The following RTEL1 variants were observed in gnomAD, a reference collection of about 807,000 sequenced individuals.
The protein encoded by RTEL1 is regulator of telomere length.
A neutral mutation model predicts 162.2 loss-of-function variants in RTEL1; 86 were observed. The observed-to-expected ratio is 0.53, with a 90% confidence interval of 0.45 to 0.63. The LOEUF (loss-of-function observed/expected upper bound fraction) is 0.63. RTEL1 is among the 30% of genes least tolerant of loss of function. The pLI is 0.00. For missense variants in RTEL1, 1,941 were observed against 1,750.2 expected, an observed-to-expected ratio of 1.11 and a Z score of -1.95; for synonymous variants, 958 against 717.9, an observed-to-expected ratio of 1.33 and a Z score of -5.35.
chr20:63,666,600 G>A (rs1371846691), intron 7 of RTEL1, among the ~76,000 whole-genome samples: 1 of 152,016 alleles, frequency 6.6e-6, no homozygotes, highest in Non-Finnish European at 1.5e-5. Context: ...CAGTGTCACA[G>A]TCTTGGCTCA....
intron 8 of RTEL1, among the ~76,000 whole-genome samples, chr20:63,669,453 A>C (rs56227019): frequency 0.25 from 38,497 of 152,158 alleles, 5,451 homozygotes; most frequent in South Asian, 0.36. Context: ...TAAAGCTTCA[A>C]CTCTGTGGAA....
At chr20:63,692,387 G>A (rs1028868870) in intron 28 of RTEL1, 7 of 241,918 alleles carry the variant, frequency 2.9e-5, no homozygotes, top group South Asian at 1.2e-4. Context: ...CCACGTTTCC[G>A]TGTTGGTCTG....
At position 63,694,364 on chromosome 20, in the gene RTEL1, TTCA is replaced by T. The variant is rs2090911406; in HGVS notation, c.2993-4_2993-2del. 3 of 1,509,978 alleles carry T rather than the reference TTCA, an allele frequency of 2.0e-6. No homozygotes were observed. Among genetic ancestry groups the T allele is most frequent in the Non-Finnish European group, 1.8e-6 (2 of 1,113,866 alleles). The allele number at this position is 1,509,978 out of a possible 1,614,324, so 93.5% of individuals were successfully genotyped here. A position where few individuals can be genotyped will look rare whatever the true frequency, so the allele number is the denominator to read the frequency against. ...GACCAGCTTTGTGGCTCTACATCTC[TTCA>T]TCAGGAAGAACGGCGCCGGATCCCA... is the stretch of plus-strand genomic sequence containing the variant. On this transcript the variant is annotated splice_polypyrimidine_tract_variant and splice_region_variant and intron_variant, in intron 30 of 34. Coordinates refer to ENST00000360203, the MANE Select transcript of RTEL1 (RefSeq NM_001283009.2).
chr20:63,666,871 G>A (rs548298574), intron 7 of RTEL1, among the ~76,000 whole-genome samples: 20 of 121,374 alleles, frequency 1.6e-4, no homozygotes, highest in East Asian at 2.4e-4. Flanking sequence ...ACGGAGTCTC[G>A]CTCTGTCGCC....
At chr20:63,681,529 G>T (rs1324260119) in intron 14 of RTEL1, 1 of 985,078 alleles carries the variant, frequency 1.0e-6, no homozygotes. Context: ...AGCTTCATGA[G>T]TGTCCATCTG....
chr20:63,690,475 G>T, intron 26 of RTEL1, 34 bp downstream of exon 26: 1 of 1,520,298 alleles, frequency 6.6e-7, no homozygotes, highest in South Asian at 1.3e-5. Flanking sequence ...GGCGGTGTGG[G>T]GGTGGCGGAG....
At chr20:63,667,128 C>G (rs574272203) in intron 7 of RTEL1, among the ~76,000 whole-genome samples, 2 of 152,166 alleles carry the variant, frequency 1.3e-5, no homozygotes, top group African/African-American at 4.8e-5. Context: ...AGTGAGCCAC[C>G]GCGCCCGGCC....
rs1055996867 is a variant in RTEL1 at position 63,690,537 on chromosome 20, CT to C, written c.2413+97del. On this transcript the variant is annotated intron_variant, in intron 26 of 34. Coordinates refer to ENST00000360203, the MANE Select transcript of RTEL1 (RefSeq NM_001283009.2). ...GGCGCCCAGGGCGGAGGCGACTCAC[CT>C]GGCTTTGTGCGCTTCCCCTCCCACC... 4.3e-6 allele frequency: 6 copies of C among 1,400,340 alleles called. 1 individual carries two copies. In the Admixed American group the frequency reaches 1.4e-4, roughly 32 times the overall value. The allele number at this position is 1,400,340 out of a possible 1,614,324, so 86.7% of individuals were successfully genotyped here.
At chr20:63,694,299 G>GGCCCGCCCCCCCCCCCCC in intron 30 of RTEL1, 73 bp from the exon 31 acceptor site, 2 of 841,720 alleles carry the variant, frequency 2.4e-6, no homozygotes. Flanking sequence ...TCCCTAGCCA[G>GGCCCGCCCCCCCCCCCCC]CCCTGCCCCC....
In RTEL1 at chr20:63,668,331, G is replaced by T. The variant is rs1482250068; in HGVS notation, c.699+778G>T. On this transcript the variant is annotated intron_variant, in intron 8 of 34. Coordinates refer to ENST00000360203, the MANE Select transcript of RTEL1 (RefSeq NM_001283009.2). The surrounding 1 kb of genome is among the most constrained non-coding windows in gnomAD (Gnocchi z 4.3). ...CGTCGTTGGTTCGCTCATTCTCGGG[G>T]TGTATATTTATTGAGAGCTCATCAT... is the stretch of plus-strand genomic sequence containing the variant. 1.3e-5 allele frequency among the ~76,000 whole-genome samples: 2 copies of T among 152,226 alleles called. No individual in the cohort carries two copies. Among genetic ancestry groups the T allele is most frequent in the East Asian group, 1.9e-4 (1 of 5,198 alleles).
chr20:63,695,266 G>T, intron 33 of RTEL1, 45 bp downstream of exon 33: 5 of 1,605,364 alleles, frequency 3.1e-6, no homozygotes, highest in Non-Finnish European at 4.3e-6. Context: ...CCAACCGCAC[G>T]CAGCCCTGGG....
At position 63,661,022 on chromosome 20, in the gene RTEL1, G is replaced by A. The variant is rs1407147532; in HGVS notation, c.103-276G>A. 6.6e-6 allele frequency among the ~76,000 whole-genome samples: 1 copy of A among 152,252 alleles called. No homozygotes were observed. Among genetic ancestry groups the A allele is most frequent in the African/African-American group, 2.4e-5 (1 of 41,466 alleles). On this transcript the variant is annotated intron_variant, in intron 2 of 34. Coordinates refer to ENST00000360203, the MANE Select transcript of RTEL1 (RefSeq NM_001283009.2). This position sits in a 1 kb window ranked among gnomAD's most constrained non-coding sequence, Gnocchi z 5.1. The stretch of plus-strand genomic sequence containing the variant: ...TATTTTGAGACTTGACACCTAATTA[G>A]TCATCTTACTATTTAAGCTGAAAAA...
rs1460115448 is a variant in RTEL1 at position 63,665,988 on chromosome 20, T to G, written c.539-16T>G. 1 of 1,612,064 alleles carries G rather than the reference T, an allele frequency of 6.2e-7. No homozygotes were observed. The highest frequency in any genetic ancestry group is 8.5e-7 in the Non-Finnish European group (1 of 1,178,694). On this transcript the variant is annotated splice_polypyrimidine_tract_variant and intron_variant, in intron 6 of 34. Transcript: ENST00000360203. Reference sequence around the variant, plus strand: ...GACCCTGAGGGTGTGTGTTTACCCCTGCCTCACACCTGCAGAAAAAAGCCT... The same window carrying G: ...GACCCTGAGGGTGTGTGTTTACCCCGGCCTCACACCTGCAGAAAAAAGCCT...
Position 63,661,406 on chromosome 20 carries a change from A to G in RTEL1, c.211A>G (p.Lys71Glu). 1.2e-6 allele frequency: 2 copies of G among 1,613,836 alleles called. No individual in the cohort carries two copies. The highest frequency in any genetic ancestry group is 2.2e-5 in the East Asian group (1 of 44,874). The change falls in exon 3 of 35, where the codon AAG becomes GAG. Residue 71 changes from lysine (K) to glutamate (E), a missense_variant. Physicochemically the swap from Lys to Glu is moderately conservative, Grantham distance 56. Coordinates refer to ENST00000360203, the MANE Select transcript of RTEL1 (RefSeq NM_001283009.2). The surrounding 1 kb of genome is among the most constrained non-coding windows in gnomAD (Gnocchi z 5.1). ...EHLRDGISARKIAERAQGELF... is the reference protein window; with the variant it reads ...EHLRDGISAREIAERAQGELF... ...CCTCCGAGACGGCATCTCTGCCCGC[A>G]AGATTGCCGAGAGGGCGCAAGGAGA...
In RTEL1 at chr20:63,662,805, C is replaced by T. The variant is rs45523833; in HGVS notation, c.478-24C>T. The T allele has an allele frequency of 0.04, 64,841 of 1,612,970 alleles. 1,934 individuals are homozygous for T. Among genetic ancestry groups the T allele is most frequent in the Non-Finnish European group, 0.042 (49,229 of 1,179,408 alleles). ...TCCTTTCTTGGCCGTGCTTCAGCTG[C>T]GCACTCTGCCCTTCCTCCCACAGAT... On this transcript the variant is annotated intron_variant, in intron 5 of 34. Transcript: ENST00000360203.
Position 63,694,469 on chromosome 20 carries a change from G to A in RTEL1, c.3090G>A (p.Ser1030=), listed in dbSNP as rs187238540. The change falls in exon 31 of 35, where the codon TCG becomes TCA. Residue 1030 remains serine (S), a synonymous_variant. Transcript: ENST00000360203. ...TGAACCAGGGCAGGCCCCACCTGTCGCCCAGGCCACCCCCAACAGGTAGCT... is the reference window on the plus strand; with the variant it reads ...TGAACCAGGGCAGGCCCCACCTGTCACCCAGGCCACCCCCAACAGGTAGCT... ...EHLNQGRPHL[S]PRPPPTGDPG... is the part of the protein sequence containing the mutation. The A allele has an allele frequency of 2.1e-4, 336 of 1,601,692 alleles. No individual in the cohort carries two copies. Among genetic ancestry groups the A allele is most frequent in the Admixed American group, 1.2e-3 (72 of 59,662 alleles).
rs770920450 is a variant in RTEL1 at position 63,695,160 on chromosome 20, G to C, written c.3438G>C (p.Pro1146=). 6.2e-7 allele frequency: 1 copy of C among 1,612,378 alleles called. No individual in the cohort carries two copies. Among genetic ancestry groups the C allele is most frequent in the East Asian group, 2.2e-5 (1 of 44,860 alleles). Residue 1146 remains proline (P), a synonymous_variant, in exon 33 of 35, where the codon CCG becomes CCC. Coordinates refer to ENST00000360203, the MANE Select transcript of RTEL1 (RefSeq NM_001283009.2). ...TGRPYPGMEP[P]GPQEERLAVP... ...GGCCCTACCCGGGCATGGAGCCACC[G>C]GGACCCCAGGAGGAGAGGCTTGCCG... is the stretch of plus-strand genomic sequence containing the variant.
At position 63,678,176 on chromosome 20, in the gene RTEL1, G is replaced by A. The variant is rs901129251; in HGVS notation, c.951G>A (p.Lys317=). The A allele has an allele frequency of 1.9e-6, 3 of 1,613,984 alleles. No individual in the cohort carries two copies. The highest frequency in any genetic ancestry group is 2.5e-6 in the Non-Finnish European group (3 of 1,179,830). The change falls in exon 11 of 35, where the codon AAG becomes AAA. Residue 317 remains lysine (K), a synonymous_variant. Coordinates refer to ENST00000360203, the MANE Select transcript of RTEL1 (RefSeq NM_001283009.2). ...ACATGGAGCTGGAAGACATTGCAAAGCTGAAGAGTAAGTGTTGCCCTCCCC... is the reference window on the plus strand; with the variant it reads ...ACATGGAGCTGGAAGACATTGCAAAACTGAAGAGTAAGTGTTGCCCTCCCC... ...GLNMELEDIA[K]LKMILLRLEG...
At position 63,689,015 on chromosome 20, in the gene RTEL1, G is replaced by A. The variant is rs372941057; in HGVS notation, c.1801-40G>A. The stretch of plus-strand genomic sequence containing the variant: ...CCCTCATGGGGGAGGAAGGGGCTGG[G>A]GGGGGGCTCCAGGCTCAGCCTCACC... On this transcript the variant is annotated intron_variant, in intron 21 of 34. Transcript: ENST00000360203. 1.1e-5 allele frequency: 18 copies of A among 1,567,044 alleles called. 1 individual carries two copies. The highest frequency in any genetic ancestry group is 6.7e-5 in the South Asian group (6 of 90,170).
Sources: gnomAD v4.1 joint callset for allele counts (sites outside exome capture counted in the v4.1 genomes callset) on GRCh38, gnomAD v4.1.1 for gene constraint, Gnocchi (gnomAD v3.1) non-coding constraint, MANE v1.5 for transcripts, NCBI Gene and HGNC (gene_info 2026-07-23, HGNC 2026-07-21) for gene names.